ASIC5: variants seen among roughly 807,000 people sequenced by gnomAD.
The protein encoded by ASIC5 is acid sensing ion channel subunit family member 5.
In ASIC5, 52 loss-of-function variants were observed where a neutral mutation model predicts 51.2. The observed-to-expected ratio is 1.02, with a 90% CI of 0.81 to 1.28. ASIC5 has a LOEUF of 1.28. Ranked by LOEUF, ASIC5 falls within the 50% of genes most tolerant of loss-of-function variation. The pLI is 0.00. For missense variants in ASIC5, 635 were observed against 595.0 expected (o/e 1.07, Z -0.70); for synonymous variants, 231 against 200.7 (o/e 1.15, Z -1.28).
chr4:155,845,211 A>G lies in ASIC5; in HGVS notation c.712-1381T>C, dbSNP rs892507126. Reference sequence around the variant, plus strand: ...AGAGCAATGGCTGCACTTCTGAAATATGGTAATGAGGTCTAAAAAGAATTT... The same window carrying G: ...AGAGCAATGGCTGCACTTCTGAAATGTGGTAATGAGGTCTAAAAAGAATTT... On this transcript the variant is annotated intron_variant, in intron 4 of 9. Transcript: ENST00000537611. 1.2e-4 allele frequency among the ~76,000 whole-genome samples: 18 copies of G among 152,244 alleles called. No homozygotes were observed. In the Middle Eastern group the frequency reaches 0.01, roughly 86 times the overall value.
At chr4:155,853,099 A>G (rs1276437298) in intron 3 of ASIC5, among the ~76,000 whole-genome samples, 1 of 152,088 alleles carries the variant, frequency 6.6e-6, no homozygotes, top group Non-Finnish European at 1.5e-5. Flanking sequence ...TTTAGTCTTC[A>G]GTTTACTAGA....
At chr4:155,864,771 G>A (rs1332844359) in intron 1 of ASIC5, 1 of 151,938 alleles carries the variant, frequency 6.6e-6, no homozygotes, top group South Asian at 2.1e-4. Context: ...AGTACTCAAG[G>A]GTATTAGCTA....
At chr4:155,857,744 G>A (rs1236142291) in intron 2 of ASIC5, among the ~76,000 whole-genome samples, 6 of 152,072 alleles carry the variant, frequency 3.9e-5, no homozygotes, top group East Asian at 3.9e-4. Flanking sequence ...TCCATTTCTC[G>A]TACATTTTAC....
intron 2 of ASIC5, among the ~76,000 whole-genome samples, chr4:155,861,856 A>G (rs371523890): frequency 6.6e-6 from 1 of 151,990 alleles, no homozygotes; most frequent in South Asian, 2.1e-4. Context: ...AACTTCAGTC[A>G]TTGGATTTAG....
At chr4:155,851,657 C>T (rs1741384452) in intron 4 of ASIC5, among the ~76,000 whole-genome samples, 1 of 151,912 alleles carries the variant, frequency 6.6e-6, no homozygotes, top group Non-Finnish European at 1.5e-5. Flanking sequence ...ACATCTGCCT[C>T]CCAGGACTAA....
At chr4:155,834,438 A>G (rs1318568902) in intron 8 of ASIC5, among the ~76,000 whole-genome samples, 1 of 152,150 alleles carries the variant, frequency 6.6e-6, no homozygotes, top group Non-Finnish European at 1.5e-5. Flanking sequence ...TTGCTTAATT[A>G]TATGTGTGAC....
chr4:155,861,079 T>C (rs577972220), intron 2 of ASIC5, among the ~76,000 whole-genome samples: 7 of 152,116 alleles, frequency 4.6e-5, no homozygotes, highest in African/African-American at 1.7e-4. Context: ...ATTTTGATTA[T>C]TGACCTCTAA....
At chr4:155,842,099 T>C in intron 6 of ASIC5, 108 bp downstream of exon 6, 1 of 1,062,104 alleles carries the variant, frequency 9.4e-7, no homozygotes, top group South Asian at 1.6e-5. Flanking sequence ...TAATAATACT[T>C]AATATTCCAT....
At chr4:155,854,657 G>A (rs1741482064) in intron 2 of ASIC5, 1 of 250,648 alleles carries the variant, frequency 4.0e-6, no homozygotes, top group Non-Finnish European at 7.6e-6. Context: ...CTTGTCCTGT[G>A]TCAGCTTAGC....
At chr4:155,836,607 T>C (rs1740985109) in intron 8 of ASIC5, 82 bp downstream of exon 8, 1 of 845,420 alleles carries the variant, frequency 1.2e-6, no homozygotes, top group Non-Finnish European at 1.8e-6. Context: ...TAGAATTTCA[T>C]TTCCTGAGTC....
At position 155,836,547 on chromosome 4, in the gene ASIC5, T is replaced by C. The variant is rs940561383; in HGVS notation, c.1235+142A>G. The C allele has an allele frequency of 2.3e-5, 12 of 518,028 alleles. No homozygotes were observed. In the East Asian group the frequency reaches 2.4e-4, roughly 10 times the overall value. The allele number at this position is 518,028 out of a possible 1,614,324, so 32.1% of individuals were successfully genotyped here. A position where few individuals can be genotyped will look rare whatever the true frequency, so the allele number is the denominator to read the frequency against. ...GATCTTATTTACTTTTAAAATTCTA[T>C]GGTTTCATTGTCAGTTCAGTGAAAA... On this transcript the variant is annotated intron_variant, in intron 8 of 9. Coordinates refer to ENST00000537611, the MANE Select transcript of ASIC5 (RefSeq NM_017419.3).
intron 2 of ASIC5, among the ~76,000 whole-genome samples, chr4:155,861,895 C>T (rs1420836692): frequency 2.6e-5 from 4 of 151,978 alleles, no homozygotes; most frequent in African/African-American, 9.7e-5. Context: ...ATAACCTCAA[C>T]TTATGTAATT....
intron 1 of ASIC5, among the ~76,000 whole-genome samples, chr4:155,865,852 G>A (rs1164882429): frequency 1.3e-5 from 2 of 151,932 alleles, no homozygotes; most frequent in East Asian, 1.9e-4. Context: ...CAACATAGAA[G>A]CATTTTGAGG....
At chr4:155,840,451 T>A (rs982679367) in intron 6 of ASIC5, among the ~76,000 whole-genome samples, 18 of 147,346 alleles carry the variant, frequency 1.2e-4, no homozygotes, top group Non-Finnish European at 2.1e-4. Context: ...TAATATATAT[T>A]TTTTATATTT....
intron 8 of ASIC5, among the ~76,000 whole-genome samples, chr4:155,836,097 A>C (rs1412473295): frequency 1.3e-5 from 2 of 152,130 alleles, no homozygotes; most frequent in Non-Finnish European, 2.9e-5. Context: ...TTGATTTGTA[A>C]TTTTTAAGAG....
chr4:155,841,061 C>G (rs1361750226), intron 6 of ASIC5, among the ~76,000 whole-genome samples: 1 of 152,078 alleles, frequency 6.6e-6, no homozygotes, highest in Non-Finnish European at 1.5e-5. Flanking sequence ...CTTAAAAACT[C>G]TTATCTCCGA....
rs1368419690 is a variant in ASIC5, at chr4:155,837,430, T to A, written c.1067-573A>T. ...TCCTTCAGAGCAACCAGGCTGTCCA[T>A]GCAAATGCATACTAGAAAAAAGTCC... On this transcript the variant is annotated intron_variant, in intron 7 of 9. Transcript: ENST00000537611. Among the ~76,000 whole-genome samples, 5 of 152,134 alleles carry A rather than the reference T, an allele frequency of 3.3e-5. No homozygotes were observed. The East Asian group carries it at 9.6e-4, about 29-fold the overall frequency.
At chr4:155,845,572 G>A (rs547714155) in intron 4 of ASIC5, among the ~76,000 whole-genome samples, 2 of 152,076 alleles carry the variant, frequency 1.3e-5, no homozygotes, top group African/African-American at 2.4e-5. Context: ...AAGCATCACA[G>A]GGTCTAACCT....
Position 155,830,049 on chromosome 4 carries a change from G to C in ASIC5, c.1328-3C>G. The C allele has an allele frequency of 6.6e-7, 1 of 1,519,182 alleles. No homozygotes were observed. Among genetic ancestry groups the C allele is most frequent in the Non-Finnish European group, 8.8e-7 (1 of 1,136,594 alleles). The allele number at this position is 1,519,182 out of a possible 1,614,324, so 94.1% of individuals were successfully genotyped here. A position where few individuals can be genotyped will look rare whatever the true frequency, so the allele number is the denominator to read the frequency against. ...ACCCAGCTGACCACCAAGATCTGCT[G>C]TAATAAAACCAATAAAGATTGAATG... On this transcript the variant is annotated splice_region_variant and splice_polypyrimidine_tract_variant and intron_variant, in intron 9 of 9. Coordinates refer to ENST00000537611, the MANE Select transcript of ASIC5 (RefSeq NM_017419.3).
Sources: allele counts gnomAD v4.1 joint callset (sites outside exome capture counted in the v4.1 genomes callset), GRCh38; gene constraint gnomAD v4.1.1; transcripts MANE v1.5; gene names NCBI Gene and HGNC (gene_info 2026-07-23, HGNC 2026-07-21).